The following ABCB1 variants were observed in gnomAD, a reference collection of about 807,000 sequenced individuals.
ABCB1 encodes the protein ATP-dependent translocase ABCB1.
A neutral mutation model predicts 142.0 loss-of-function variants in ABCB1; 69 were observed. The ratio of observed to expected loss-of-function variants is 0.49; its 90% confidence interval spans 0.40 to 0.59. The LOEUF (loss-of-function observed/expected upper bound fraction) is 0.59, where lower values mean the gene tolerates loss of function less well. Ranked by LOEUF, ABCB1 falls within the 20% of genes least tolerant of loss-of-function variation. The pLI is 0.00. For missense variants in ABCB1, 1,326 were observed against 1,554.7 expected, an observed-to-expected ratio of 0.85 and a Z score of 2.47; for synonymous variants, 532 against 539.2, an observed-to-expected ratio of 0.99 and a Z score of 0.18.
intron 3 of ABCB1, among the ~76,000 whole-genome samples, chr7:87,593,923 C>T (rs1397522577): frequency 2.6e-5 from 4 of 152,178 alleles, no homozygotes; most frequent in Admixed American, 6.5e-5. Flanking sequence ...AAACATTAGC[C>T]ATAAATCCTC....
intron 25 of ABCB1, among the ~76,000 whole-genome samples, chr7:87,511,707 A>G (rs80078706): frequency 6.6e-6 from 1 of 152,350 alleles, no homozygotes; most frequent in African/African-American, 2.4e-5. Flanking sequence ...CTGGATCTAA[A>G]CACTCTAGGT....
At chr7:87,629,098 T>C in intron 1 of ABCB1, 2 of 677,630 alleles carry the variant, frequency 3.0e-6, no homozygotes, top group South Asian at 8.0e-5. Context: ...GCGCAGCTCC[T>C]TGGACAGGGG....
At chr7:87,547,027 G>A (rs1037152578) in intron 14 of ABCB1, among the ~76,000 whole-genome samples, 11 of 152,230 alleles carry the variant, frequency 7.2e-5, no homozygotes, top group East Asian at 5.8e-4. Flanking sequence ...GAAGAGTCAC[G>A]TAAGTCTCTT....
chr7:87,584,642 T>C (rs1172779473), intron 4 of ABCB1, among the ~76,000 whole-genome samples: 2 of 152,180 alleles, frequency 1.3e-5, no homozygotes, highest in African/African-American at 4.8e-5. Context: ...CTGTGTTACA[T>C]CTGTTTTCTC....
At chr7:87,510,145 A>C (rs1814942983) in intron 25 of ABCB1, among the ~76,000 whole-genome samples, 1 of 152,224 alleles carries the variant, frequency 6.6e-6, no homozygotes, top group Non-Finnish European at 1.5e-5. Context: ...AATTTGTGGC[A>C]AGTGGTTATA....
chr7:87,566,762 T>C (rs752973358), intron 6 of ABCB1, 23 bp downstream of exon 6: 4 of 1,612,028 alleles, frequency 2.5e-6, no homozygotes, highest in Non-Finnish European at 3.4e-6. Context: ...ACACCCAAGT[T>C]CAACATAAAA....
At chr7:87,521,799 T>G in intron 21 of ABCB1, 1 of 786,896 alleles carries the variant, frequency 1.3e-6, no homozygotes, top group South Asian at 1.3e-5. Flanking sequence ...TTGGTGGCAT[T>G]AAAGACACTG....
At chr7:87,549,320 A>G in intron 14 of ABCB1, 28 bp downstream of exon 14, 1 of 1,614,090 alleles carries the variant, frequency 6.2e-7, no homozygotes, top group Non-Finnish European at 8.5e-7. Flanking sequence ...CTTATAAATC[A>G]GGTTGGTTTG....
At chr7:87,597,670 G>A (rs1819259952) in intron 2 of ABCB1, among the ~76,000 whole-genome samples, 1 of 151,928 alleles carries the variant, frequency 6.6e-6, no homozygotes, top group African/African-American at 2.4e-5. Context: ...AAAACAAAAA[G>A]TGGAATACCT....
chr7:87,566,056 C>G lies in ABCB1; in HGVS notation c.702+14G>C. 6.2e-7 allele frequency: 1 copy of G among 1,614,110 alleles called. No homozygotes were observed. The highest frequency in any genetic ancestry group is 8.5e-7 in the Non-Finnish European group (1 of 1,179,970). ...AGGTGCAGTTCAAAATCTGGATTCA[C>G]AGGCTTCACCTACCTTTGCCCAGAC... On this transcript the variant is annotated intron_variant, in intron 7 of 27. Coordinates refer to ENST00000622132, the MANE Select transcript of ABCB1 (RefSeq NM_001348946.2).
At chr7:87,713,101 T>C (rs1047452375) in intron 1 of ABCB1, 5 of 152,170 alleles carry the variant, frequency 3.3e-5, no homozygotes, top group African/African-American at 1.2e-4. Flanking sequence ...TCAAGACAAA[T>C]ATATTCATAA....
intron 1 of ABCB1, among the ~76,000 whole-genome samples, chr7:87,634,479 C>T (rs1473979513): frequency 1.7e-3 from 10 of 5,908 alleles, no homozygotes; most frequent in Admixed American, 4.5e-3. Flanking sequence ...AACAGTCAGG[C>T]GTGGTGGTGG....
chr7:87,580,332 A>T (rs2129897832), intron 4 of ABCB1, among the ~76,000 whole-genome samples: 1 of 152,282 alleles, frequency 6.6e-6, no homozygotes, highest in South Asian at 2.1e-4. Context: ...CTATTTTAGG[A>T]TAAAAAGTGT....
intron 1 of ABCB1, among the ~76,000 whole-genome samples, chr7:87,675,037 C>A (rs1052521861): frequency 3.3e-5 from 5 of 152,240 alleles, no homozygotes; most frequent in African/African-American, 7.2e-5. Flanking sequence ...GCTTAAGTGT[C>A]TGTTGGGGAA....
At chr7:87,634,497 G>A (rs560444146) in intron 1 of ABCB1, among the ~76,000 whole-genome samples, 10 of 130,560 alleles carry the variant, frequency 7.7e-5, no homozygotes, top group African/African-American at 1.7e-4. Flanking sequence ...TGGGGGGTGG[G>A]GGGGGGGGCA....
At chr7:87,672,090 C>T (rs1210560371) in intron 1 of ABCB1, among the ~76,000 whole-genome samples, 1 of 152,108 alleles carries the variant, frequency 6.6e-6, no homozygotes, top group East Asian at 1.9e-4. Flanking sequence ...ATGACTGAGT[C>T]ACCCAGACAG....
chr7:87,522,610 G>C (rs1046942866), intron 21 of ABCB1, among the ~76,000 whole-genome samples: 1 of 152,128 alleles, frequency 6.6e-6, no homozygotes, highest in African/African-American at 2.4e-5. Flanking sequence ...GACTAATTGT[G>C]TAACAGATTC....
At chr7:87,541,977 A>G (rs1816559268) in intron 17 of ABCB1, among the ~76,000 whole-genome samples, 1 of 152,184 alleles carries the variant, frequency 6.6e-6, no homozygotes, top group Non-Finnish European at 1.5e-5. Context: ...GTTGGAAACT[A>G]CAGCTACCTG....
At chr7:87,708,958 C>A (rs533221400) in intron 1 of ABCB1, among the ~76,000 whole-genome samples, 1 of 152,260 alleles carries the variant, frequency 6.6e-6, no homozygotes, top group South Asian at 2.1e-4. Context: ...TTTTATGGAT[C>A]ACCCTTATCA....
Sources: allele counts gnomAD v4.1 joint callset (sites outside exome capture counted in the v4.1 genomes callset), GRCh38; gene constraint gnomAD v4.1.1; transcripts MANE v1.5; gene names NCBI Gene and HGNC (gene_info 2026-07-23, HGNC 2026-07-21).